Variants in EIF4E3 observed in about 807,000 individuals in gnomAD.
The protein encoded by EIF4E3 is eukaryotic translation initiation factor 4E type 3.
Under a neutral mutation model 31.7 loss-of-function variants are expected in EIF4E3, and 26 were observed. That is an observed-to-expected ratio of 0.82 (90% CI 0.60 to 1.14). The LOEUF is 1.14. Ranked by LOEUF, EIF4E3 falls within the 50% of genes most tolerant of loss-of-function variation. EIF4E3 has a pLI of 0.00. For synonymous variants in EIF4E3, 128 were observed against 107.7 expected (o/e 1.19, Z -1.17); for missense variants, 304 against 270.9 (o/e 1.12, Z -0.86).
intron 4 of EIF4E3, among the ~76,000 whole-genome samples, chr3:71,694,527 C>T (rs576081601): frequency 1.5e-4 from 23 of 151,830 alleles, no homozygotes; most frequent in African/African-American, 4.1e-4. Context: ...ATTCAGTGCA[C>T]GCTCCGGTCT....
intron 1 of EIF4E3, among the ~76,000 whole-genome samples, chr3:71,745,741 G>C (rs1448322900): frequency 6.6e-6 from 1 of 152,124 alleles, no homozygotes; most frequent in Non-Finnish European, 1.5e-5. Flanking sequence ...GTCTGTCAAT[G>C]CAAAATTTAG....
chr3:71,748,824 G>C (rs2049898655), intron 1 of EIF4E3, among the ~76,000 whole-genome samples: 1 of 151,952 alleles, frequency 6.6e-6, no homozygotes, highest in Admixed American at 6.6e-5. Flanking sequence ...ATGCACTAAG[G>C]CTACCTCTTT....
chr3:71,748,209 T>C (rs1407526440), intron 1 of EIF4E3, among the ~76,000 whole-genome samples: 2 of 7,736 alleles, frequency 2.6e-4, no homozygotes, highest in Non-Finnish European at 4.4e-4. Flanking sequence ...TATATGTGAT[T>C]TTTTTTTTCA....
intron 1 of EIF4E3, among the ~76,000 whole-genome samples, chr3:71,731,853 C>A (rs770786872): frequency 6.6e-6 from 1 of 152,174 alleles, no homozygotes; most frequent in Non-Finnish European, 1.5e-5. Flanking sequence ...CACACCTTGA[C>A]CCCCTTTTTC....
At chr3:71,740,356 T>C (rs1202890358) in intron 1 of EIF4E3, among the ~76,000 whole-genome samples, 2 of 152,340 alleles carry the variant, frequency 1.3e-5, no homozygotes, top group East Asian at 1.9e-4. Context: ...AAATGCACTT[T>C]AAATATAAAG....
chr3:71,714,398 A>G (rs1217307585), intron 1 of EIF4E3, among the ~76,000 whole-genome samples: 2 of 152,184 alleles, frequency 1.3e-5, no homozygotes, highest in African/African-American at 4.8e-5. Flanking sequence ...CAGTTTCCTA[A>G]TTTCTTCATG....
chr3:71,712,580 G>A lies in EIF4E3; in HGVS notation c.177-2096C>T, dbSNP rs548713891. Reference sequence around the variant, plus strand: ...TAAATACATTCCTGGATCCCCCAAAGCACATAGGAGAGTATATACAGGGCT... The same window carrying A: ...TAAATACATTCCTGGATCCCCCAAAACACATAGGAGAGTATATACAGGGCT... On this transcript the variant is annotated intron_variant, in intron 1 of 6. Coordinates refer to ENST00000425534, the MANE Select transcript of EIF4E3 (RefSeq NM_001134651.2). 2.3e-5 allele frequency among the ~76,000 whole-genome samples: 3 copies of A among 129,558 alleles called. No homozygotes were observed. In the East Asian group the frequency reaches 7.8e-4, roughly 34 times the overall value. The allele number at this position is 129,558 out of a possible 152,430, so 85.0% of individuals were successfully genotyped here.
chr3:71,732,804 A>G (rs2049720801), intron 1 of EIF4E3, among the ~76,000 whole-genome samples: 1 of 152,250 alleles, frequency 6.6e-6, no homozygotes, highest in Non-Finnish European at 1.5e-5. Context: ...GTCCAAAAAC[A>G]TGTGCTTGAG....
the EIF4E3 span, among the ~76,000 whole-genome samples, chr3:71,668,927 T>C: frequency 0.1 from 15,604 of 152,194 alleles, 2,088 homozygotes; most frequent in African/African-American, 0.31. Flanking sequence ...ATCATTCTAC[T>C]ATAAAGACAC....
chr3:71,744,075 T>C (rs2049847537), intron 1 of EIF4E3, among the ~76,000 whole-genome samples: 1 of 152,110 alleles, frequency 6.6e-6, no homozygotes, highest in Non-Finnish European at 1.5e-5. Flanking sequence ...GCATAATTCA[T>C]AAAATAATTC....
chr3:71,668,564 C>T, the EIF4E3 span, among the ~76,000 whole-genome samples: 1 of 151,814 alleles, frequency 6.6e-6, no homozygotes, highest in African/African-American at 2.4e-5. Context: ...AAAAAACAAC[C>T]CCATCAAAAA....
chr3:71,741,431 G>C (rs1232497708), intron 1 of EIF4E3, among the ~76,000 whole-genome samples: 1 of 152,116 alleles, frequency 6.6e-6, no homozygotes, highest in Non-Finnish European at 1.5e-5. Context: ...GAAGAGGGTC[G>C]ATTAGTAATA....
intron 1 of EIF4E3, among the ~76,000 whole-genome samples, chr3:71,735,767 C>T (rs1176295402): frequency 1.4e-5 from 2 of 145,900 alleles, no homozygotes; most frequent in African/African-American, 5.0e-5. Context: ...AACATCTTTT[C>T]ATTTTTTTTT....
chr3:71,692,505 A>T (rs573850603), intron 5 of EIF4E3, among the ~76,000 whole-genome samples: 1 of 152,174 alleles, frequency 6.6e-6, no homozygotes, highest in South Asian at 2.1e-4. Flanking sequence ...CACAGGATAC[A>T]TTTTTGGCTG....
At chr3:71,719,358 AG>A (rs2049511410) in intron 1 of EIF4E3, among the ~76,000 whole-genome samples, 1 of 152,264 alleles carries the variant, frequency 6.6e-6, no homozygotes, top group South Asian at 2.1e-4. Context: ...CTTTCACCAC[AG>A]AGGTCTGAAT....
chr3:71,659,622 C>T, the EIF4E3 span, among the ~76,000 whole-genome samples: 4 of 152,120 alleles, frequency 2.6e-5, no homozygotes, highest in African/African-American at 9.7e-5. Context: ...TTGAGAATAA[C>T]ATTATTACTT....
chr3:71,696,432 T>C, intron 4 of EIF4E3, 28 bp downstream of exon 4: 2 of 1,613,634 alleles, frequency 1.2e-6, no homozygotes, highest in Non-Finnish European at 1.7e-6. Context: ...GCCTCGCCGG[T>C]TCTAGAAGAG....
At chr3:71,741,874 C>A (rs1028870755) in intron 1 of EIF4E3, among the ~76,000 whole-genome samples, 18 of 152,070 alleles carry the variant, frequency 1.2e-4, no homozygotes, top group African/African-American at 4.3e-4. Context: ...TCTGGGAATC[C>A]CCCAAATACT....
intron 6 of EIF4E3, among the ~76,000 whole-genome samples, chr3:71,687,448 T>C (rs913642421): frequency 1.3e-5 from 2 of 152,270 alleles, no homozygotes; most frequent in Non-Finnish European, 2.9e-5. Context: ...TTACAAAATA[T>C]ACTTTTTCTT....
Sources: gnomAD v4.1 joint callset for allele counts (sites outside exome capture counted in the v4.1 genomes callset) on GRCh38, gnomAD v4.1.1 for gene constraint, MANE v1.5 for transcripts, NCBI Gene and HGNC (gene_info 2026-07-23, HGNC 2026-07-21) for gene names.